Variants in GRM7 observed in about 807,000 individuals in gnomAD.
GRM7 encodes the protein metabotropic glutamate receptor 7.
Under a neutral mutation model 84.5 loss-of-function variants are expected in GRM7, and 35 were observed. The observed-to-expected ratio is 0.41, with a 90% CI of 0.32 to 0.55. The LOEUF (loss-of-function observed/expected upper bound fraction) is 0.55, where lower values mean the gene tolerates loss of function less well. GRM7 is among the 20% of genes least tolerant of loss of function. The pLI is 0.19. For synonymous variants in GRM7, 487 were observed against 455.1 expected (o/e 1.07, Z -0.89); for missense variants, 1,003 against 1,194.6 (o/e 0.84, Z 2.36).
At position 7,538,498 on chromosome 3, in the gene GRM7, A is replaced by G. The variant is rs1421753012; in HGVS notation, c.1516-39924A>G. Reference sequence around the variant, plus strand: ...GGGCTACAAACAACCATACCAGGCCAGGGAATCTGCATCAGCAAAACTCTC... The same window carrying G: ...GGGCTACAAACAACCATACCAGGCCGGGGAATCTGCATCAGCAAAACTCTC... On this transcript the variant is annotated intron_variant, in intron 7 of 9. Coordinates refer to ENST00000357716, the MANE Select transcript of GRM7 (RefSeq NM_000844.4). 2.0e-5 allele frequency among the ~76,000 whole-genome samples: 3 copies of G among 152,242 alleles called. No individual in the cohort carries two copies. The East Asian group carries it at 5.8e-4, about 29-fold the overall frequency.
intron 9 of GRM7, among the ~76,000 whole-genome samples, chr3:7,718,510 G>A (rs926668525): frequency 1.3e-5 from 2 of 152,020 alleles, no homozygotes; most frequent in Admixed American, 6.6e-5. Context: ...TTGGAAATAC[G>A]GCATTAATAG....
intron 8 of GRM7, among the ~76,000 whole-genome samples, chr3:7,632,718 A>G (rs981802931): frequency 2.0e-5 from 3 of 152,240 alleles, no homozygotes; most frequent in African/African-American, 7.2e-5. Flanking sequence ...TAACAATAGC[A>G]TAAACTTCTT....
At chr3:6,886,897 T>A (rs1395010419) in intron 1 of GRM7, among the ~76,000 whole-genome samples, 5 of 150,876 alleles carry the variant, frequency 3.3e-5, no homozygotes, top group Non-Finnish European at 3.0e-5. Flanking sequence ...ATCTTCCAAG[T>A]TTTTTTTTCA....
intron 5 of GRM7, among the ~76,000 whole-genome samples, chr3:7,416,840 G>A (rs1162020323): frequency 1.3e-5 from 2 of 152,090 alleles, no homozygotes; most frequent in Non-Finnish European, 2.9e-5. Context: ...AAAAAAATTA[G>A]CTTGACATCT....
intron 1 of GRM7, among the ~76,000 whole-genome samples, chr3:6,917,291 T>C (rs969317751): frequency 2.6e-5 from 4 of 152,110 alleles, no homozygotes; most frequent in Admixed American, 2.6e-4. Flanking sequence ...AAAATAAATG[T>C]AATTAAATAA....
chr3:7,452,199 A>G (rs1268005186), intron 5 of GRM7, among the ~76,000 whole-genome samples: 1 of 152,124 alleles, frequency 6.6e-6, no homozygotes, highest in Non-Finnish European at 1.5e-5. Context: ...GAGACGGTAC[A>G]ATAGGTGTGT....
intron 1 of GRM7, among the ~76,000 whole-genome samples, chr3:6,946,865 C>G (rs1038098502): frequency 3.9e-5 from 6 of 152,024 alleles, no homozygotes; most frequent in African/African-American, 1.2e-4. Flanking sequence ...TCTGTTATTG[C>G]TGTATAAGAA....
chr3:7,722,820 C>A (rs1575670174), intron 9 of GRM7, among the ~76,000 whole-genome samples: 2 of 151,782 alleles, frequency 1.3e-5, no homozygotes, highest in South Asian at 4.2e-4. Context: ...GACAGGGTCT[C>A]ACTCTGTCAC....
intron 1 of GRM7, among the ~76,000 whole-genome samples, chr3:7,074,601 G>T (rs1474574983): frequency 2.6e-5 from 4 of 152,186 alleles, no homozygotes; most frequent in East Asian, 1.9e-4. Context: ...CACAAAAAAA[G>T]GGACTGTATT....
chr3:7,556,927 T>C (rs1454643826), intron 7 of GRM7, among the ~76,000 whole-genome samples: 1 of 152,218 alleles, frequency 6.6e-6, no homozygotes, highest in Non-Finnish European at 1.5e-5. Flanking sequence ...CTCTGGAGAA[T>C]GCTCATAGGA....
intron 7 of GRM7, among the ~76,000 whole-genome samples, chr3:7,476,233 T>C (rs977875231): frequency 6.6e-6 from 1 of 152,190 alleles, no homozygotes; most frequent in Non-Finnish European, 1.5e-5. Flanking sequence ...CACAGGATTA[T>C]TGTGAGAGTT....
Position 7,579,094 on chromosome 3 carries a change from A to G in GRM7, c.2188A>G (p.Ile730Val), listed in dbSNP as rs1394641014. Residue 730 changes from isoleucine to valine, a missense_variant, in exon 8 of 10, where the codon ATA becomes GTA. Physicochemically the swap from Ile to Val is conservative, Grantham distance 29 (BLOSUM62 3). Transcript: ENST00000357716. ...TGGTGTTGATCCACCCAACATCATCATAGACTATGATGAACACAAGACAAT... is the reference window on the plus strand; with the variant it reads ...TGGTGTTGATCCACCCAACATCATCGTAGACTATGATGAACACAAGACAAT... Reference protein sequence around the residue: ...WFGVDPPNIIIDYDEHKTMNP... With the variant: ...WFGVDPPNIIVDYDEHKTMNP... The G allele has an allele frequency of 3.7e-6, 6 of 1,613,590 alleles. No individual in the cohort carries two copies. The highest frequency in any genetic ancestry group is 2.2e-5 in the East Asian group (1 of 44,876).
intron 1 of GRM7, among the ~76,000 whole-genome samples, chr3:7,127,519 T>C (rs1693441609): frequency 6.6e-6 from 1 of 152,218 alleles, no homozygotes; most frequent in Non-Finnish European, 1.5e-5. Flanking sequence ...TTCTACTCCC[T>C]GTTAGTATTC....
chr3:7,024,177 A>G (rs971048441), intron 1 of GRM7, among the ~76,000 whole-genome samples: 5 of 152,028 alleles, frequency 3.3e-5, no homozygotes, highest in Non-Finnish European at 7.4e-5. Flanking sequence ...TCCTCCTTTC[A>G]TCTTATTTAC....
Position 7,039,202 on chromosome 3 carries a change from T to C in GRM7, c.520-107250T>C, listed in dbSNP as rs550373729. The stretch of plus-strand genomic sequence containing the variant: ...GCTGTTTCTTACAAGCCTGTGATTG[T>C]GGAGTTTGCATGGTTCCTTTCAAGA... On this transcript the variant is annotated intron_variant, in intron 1 of 9. Transcript: ENST00000357716. Among the ~76,000 whole-genome samples the C allele has an allele frequency of 4.6e-4, 70 of 152,298 alleles. No homozygotes were observed. The South Asian group carries it at 0.013, about 28-fold the overall frequency.
chr3:7,499,485 T>G (rs1164347788), intron 7 of GRM7, among the ~76,000 whole-genome samples: 1 of 152,208 alleles, frequency 6.6e-6, no homozygotes, highest in Non-Finnish European at 1.5e-5. Flanking sequence ...ATGATAATGC[T>G]GCTGACATCA....
intron 9 of GRM7, among the ~76,000 whole-genome samples, chr3:7,735,281 GA>G (rs1220692765): frequency 6.6e-6 from 1 of 150,632 alleles, no homozygotes; most frequent in African/African-American, 2.5e-5. Context: ...AGTTTGGTGA[GA>G]TTTACAAATG....
At chr3:7,552,978 C>A (rs1405417509) in intron 7 of GRM7, among the ~76,000 whole-genome samples, 1 of 152,178 alleles carries the variant, frequency 6.6e-6, no homozygotes, top group African/African-American at 2.4e-5. Flanking sequence ...ATTTTTCAAA[C>A]TTTTATGCTC....
chr3:7,298,878 A>G (rs1699903293), intron 3 of GRM7, 53 bp downstream of exon 3: 2 of 1,461,150 alleles, frequency 1.4e-6, no homozygotes, highest in Non-Finnish European at 1.9e-6. Flanking sequence ...TTTAGGAGAG[A>G]GAAAGATTAG....
Sources: gnomAD v4.1 joint callset for allele counts (sites outside exome capture counted in the v4.1 genomes callset) on GRCh38, gnomAD v4.1.1 for gene constraint, MANE v1.5 for transcripts, NCBI Gene and HGNC (gene_info 2026-07-23, HGNC 2026-07-21) for gene names.